The following CTNNA2 variants were observed in gnomAD, a reference collection of about 807,000 sequenced individuals.
CTNNA2 encodes the protein catenin alpha 2.
CTNNA2 carries 42 observed loss-of-function variants against 101.0 expected under a neutral mutation model. That is an observed-to-expected ratio of 0.42 (90% CI 0.32 to 0.54). CTNNA2 has a LOEUF of 0.54. CTNNA2 is among the 20% of genes least tolerant of loss of function. CTNNA2 has a pLI of 0.14. For missense variants in CTNNA2, 871 were observed against 1,223.1 expected (o/e 0.71, Z 4.29); for synonymous variants, 450 against 456.4 (o/e 0.99, Z 0.18).
chr2:79,414,194 T>G (rs561740588), intron 4 of CTNNA2, among the ~76,000 whole-genome samples: 3 of 152,084 alleles, frequency 2.0e-5, no homozygotes, highest in Admixed American at 2.0e-4. Context: ...CCATTTTGTT[T>G]ATAATAAAAT....
At chr2:79,376,352 C>A (rs1398648835) in intron 4 of CTNNA2, among the ~76,000 whole-genome samples, 2 of 152,094 alleles carry the variant, frequency 1.3e-5, no homozygotes, top group Admixed American at 1.3e-4. Flanking sequence ...CATGTGGTTT[C>A]TGATCCTGTG....
chr2:79,648,605 G>T (rs926351478), intron 1 of CTNNA2, among the ~76,000 whole-genome samples: 6 of 152,066 alleles, frequency 3.9e-5, no homozygotes, highest in African/African-American at 9.7e-5. Flanking sequence ...CACAGGCAGG[G>T]GAGCTTCTTA....
In CTNNA2 at chr2:80,210,277, A is replaced by G. The variant is rs187869496; in HGVS notation, c.1057-182934A>G. Among the ~76,000 whole-genome samples the G allele has an allele frequency of 2.5e-3, 377 of 152,218 alleles. 7 individuals are homozygous for G. Among genetic ancestry groups the G allele is most frequent in the Admixed American group, 0.023 (347 of 15,290 alleles). The stretch of plus-strand genomic sequence containing the variant: ...AGTGCACAACGTGCAGGTTTGTTAC[A>G]TATGTATACATGTGCCATGTTGTTG... On this transcript the variant is annotated intron_variant, in intron 7 of 18. Transcript: ENST00000402739.
At chr2:80,421,858 T>C (rs888541898) in intron 9 of CTNNA2, among the ~76,000 whole-genome samples, 5 of 152,130 alleles carry the variant, frequency 3.3e-5, no homozygotes, top group Admixed American at 2.0e-4. Flanking sequence ...TTAGCCTTTT[T>C]CTAGTTTTGA....
At chr2:79,519,228 CAAAAAAAA>C (rs35330716) in intron 1 of CTNNA2, among the ~76,000 whole-genome samples, 1 of 50,826 alleles carries the variant, frequency 2.0e-5, no homozygotes, top group Non-Finnish European at 4.3e-5. Context: ...GACTCCGTCT[CAAAAAAAA>C]AAAAAAAAAA....
intron 3 of CTNNA2, chr2:79,776,892 G>T (rs1250349077): frequency 4.6e-5 from 7 of 152,296 alleles, no homozygotes; most frequent in African/African-American, 1.7e-4. Flanking sequence ...TCTTTCTGAG[G>T]AGCTGAGAGC....
chr2:80,538,800 A>G (rs1214355729), intron 9 of CTNNA2, among the ~76,000 whole-genome samples: 5 of 152,298 alleles, frequency 3.3e-5, no homozygotes, highest in Non-Finnish European at 1.5e-5. Flanking sequence ...CATTGAATCT[A>G]TAAGTTACTT....
At chr2:79,330,552 A>G (rs550326968) in intron 3 of CTNNA2, among the ~76,000 whole-genome samples, 15 of 152,282 alleles carry the variant, frequency 9.9e-5, no homozygotes, top group Middle Eastern at 3.4e-3. Context: ...GCTGGGTGAT[A>G]TAGTTTGGCT....
intron 7 of CTNNA2, among the ~76,000 whole-genome samples, chr2:79,917,020 C>T (rs1237087921): frequency 6.6e-6 from 1 of 152,024 alleles, no homozygotes; most frequent in Non-Finnish European, 1.5e-5. Context: ...GATCTTAGCT[C>T]ACTGAAACCT....
In CTNNA2 at chr2:80,648,716, A is replaced by G. The variant is rs1324758145; in HGVS notation, c.*844A>G. 2 of 152,144 alleles carry G rather than the reference A, an allele frequency of 1.3e-5. No homozygotes were observed. The highest frequency in any genetic ancestry group is 4.8e-5 in the African/African-American group (2 of 41,434). The allele number at this position is 152,144 out of a possible 1,614,324, so 9.4% of individuals were successfully genotyped here. A position where few individuals can be genotyped will look rare whatever the true frequency, so the allele number is the denominator to read the frequency against. ...AGGCAAATACATAGGTGTAGCTTGG[A>G]GTGCTGGTATCTAATATACCATTGT... On this transcript the variant is annotated 3_prime_UTR_variant, in exon 19 of 19. Transcript: ENST00000402739.
chr2:80,284,575 A>G (rs1395581043), intron 7 of CTNNA2, among the ~76,000 whole-genome samples: 1 of 151,972 alleles, frequency 6.6e-6, no homozygotes, highest in Non-Finnish European at 1.5e-5. Context: ...TTCCTCTACT[A>G]TGAATCCACC....
At position 80,505,834 on chromosome 2, in the gene CTNNA2, T is replaced by G. The variant is rs180845455; in HGVS notation, c.1291-39148T>G. Reference sequence around the variant, plus strand: ...GCTTGCTTTCTTTAGCTATTCTTGCTATTAAAGTTAGTTAAAAAGTTAACT... The same window carrying G: ...GCTTGCTTTCTTTAGCTATTCTTGCGATTAAAGTTAGTTAAAAAGTTAACT... On this transcript the variant is annotated intron_variant, in intron 9 of 18. Transcript: ENST00000402739. Among the ~76,000 whole-genome samples, 369 of 152,350 alleles carry G rather than the reference T, an allele frequency of 2.4e-3. 1 individual carries two copies. The highest frequency in any genetic ancestry group is 0.014 in the Middle Eastern group (4 of 294).
At chr2:80,049,826 T>C (rs1696755536) in intron 7 of CTNNA2, among the ~76,000 whole-genome samples, 1 of 152,068 alleles carries the variant, frequency 6.6e-6, no homozygotes, top group African/African-American at 2.4e-5. Flanking sequence ...TCTTTTTGAA[T>C]TTTTTTTCCA....
chr2:79,191,460 A>T (rs10178923), intron 1 of CTNNA2, among the ~76,000 whole-genome samples: 11,433 of 152,086 alleles, frequency 0.075, 655 homozygotes, highest in Non-Finnish European at 0.11. Context: ...GTCATACAGA[A>T]CCCAGCCCTG....
At chr2:80,250,911 A>C (rs1671714796) in intron 7 of CTNNA2, among the ~76,000 whole-genome samples, 1 of 152,188 alleles carries the variant, frequency 6.6e-6, no homozygotes, top group Admixed American at 6.5e-5. Flanking sequence ...GGTAGGTATT[A>C]AACTCTCCCC....
chr2:80,038,146 G>A (rs570344198), intron 7 of CTNNA2, among the ~76,000 whole-genome samples: 6 of 152,192 alleles, frequency 3.9e-5, no homozygotes, highest in Non-Finnish European at 5.9e-5. Context: ...GCATGGAGGA[G>A]ATGGACTCTG....
intron 7 of CTNNA2, among the ~76,000 whole-genome samples, chr2:80,222,286 A>G (rs1708616509): frequency 6.6e-6 from 1 of 152,172 alleles, no homozygotes; most frequent in African/African-American, 2.4e-5. Context: ...TCTTACTTCC[A>G]CAATAAATTA....
intron 2 of CTNNA2, among the ~76,000 whole-genome samples, chr2:79,224,921 C>T (rs1003557538): frequency 6.6e-6 from 1 of 151,584 alleles, no homozygotes; most frequent in Non-Finnish European, 1.5e-5. Flanking sequence ...ATAAGGTTTT[C>T]AAGACACATC....
intron 1 of CTNNA2, among the ~76,000 whole-genome samples, chr2:79,190,978 C>A (rs1673862127): frequency 1.3e-5 from 2 of 152,148 alleles, no homozygotes; most frequent in South Asian, 4.1e-4. Flanking sequence ...CTTTCTCGCT[C>A]TCCGCAGACT....
Sources: gnomAD v4.1 joint callset for allele counts (sites outside exome capture counted in the v4.1 genomes callset) on GRCh38, gnomAD v4.1.1 for gene constraint, MANE v1.5 for transcripts, NCBI Gene and HGNC (gene_info 2026-07-23, HGNC 2026-07-21) for gene names.